The following TTC17 variants were observed in gnomAD, a reference collection of about 807,000 sequenced individuals.
The protein encoded by TTC17 is tetratricopeptide repeat domain 17.
A neutral mutation model predicts 143.8 loss-of-function variants in TTC17; 58 were observed. That is an observed-to-expected ratio of 0.40 (90% CI 0.33 to 0.50). The LOEUF is 0.50. TTC17 is among the 20% of genes least tolerant of loss of function. The pLI is 0.49. For missense variants in TTC17, 1,273 were observed against 1,392.5 expected (o/e 0.91, Z 1.37); for synonymous variants, 501 against 497.8 (o/e 1.01, Z -0.09).
At position 43,465,942 on chromosome 11, in the gene TTC17, A is replaced by G. The variant is rs185929086; in HGVS notation, c.3030+14677A>G. Reference sequence around the variant, plus strand: ...AAAAATAGACAAAGTGGACTATATTAAAGTTTAAAACTTCTGGGCATCAGA... The same window carrying G: ...AAAAATAGACAAAGTGGACTATATTGAAGTTTAAAACTTCTGGGCATCAGA... On this transcript the variant is annotated intron_variant, in intron 21 of 23. Coordinates refer to ENST00000039989, the MANE Select transcript of TTC17 (RefSeq NM_018259.6). Among the ~76,000 whole-genome samples, 21 of 152,352 alleles carry G rather than the reference A, an allele frequency of 1.4e-4. No homozygotes were observed. The East Asian group carries it at 4.0e-3, about 29-fold the overall frequency.
intron 1 of TTC17, among the ~76,000 whole-genome samples, chr11:43,365,990 T>A (rs1057016488): frequency 1.3e-5 from 2 of 152,054 alleles, no homozygotes; most frequent in Non-Finnish European, 2.9e-5. Context: ...TAAGACCTTT[T>A]TTTTTTTTTG....
At chr11:43,441,451 T>TG (rs1033386585) in intron 16 of TTC17, among the ~76,000 whole-genome samples, 3 of 152,196 alleles carry the variant, frequency 2.0e-5, no homozygotes, top group African/African-American at 7.2e-5. Context: ...TGTATGTAGT[T>TG]GTCTGTCTCC....
intron 1 of TTC17, among the ~76,000 whole-genome samples, chr11:43,376,879 C>T (rs1056659232): frequency 1.1e-4 from 16 of 152,100 alleles, no homozygotes; most frequent in African/African-American, 3.6e-4. Context: ...TTAAACACAC[C>T]TAGACTGTAC....
At chr11:43,470,213 C>G (rs1948066448) in intron 21 of TTC17, among the ~76,000 whole-genome samples, 2 of 152,212 alleles carry the variant, frequency 1.3e-5, no homozygotes, top group Non-Finnish European at 2.9e-5. Flanking sequence ...ATTTCACATT[C>G]ATGCCGCTGC....
intron 10 of TTC17, among the ~76,000 whole-genome samples, 178 bp from the exon 11 acceptor site, chr11:43,403,820 C>T (rs1857984671): frequency 6.6e-6 from 1 of 152,166 alleles, no homozygotes; most frequent in Non-Finnish European, 1.5e-5. Context: ...TATGTATTAT[C>T]CATGAAAGAA....
chr11:43,403,876 G>T, intron 10 of TTC17, 122 bp from the exon 11 acceptor site: 1 of 744,184 alleles, frequency 1.3e-6, no homozygotes, highest in South Asian at 2.1e-5. Flanking sequence ...CTTTATTACT[G>T]AGCTACTTTC....
Position 43,493,948 on chromosome 11 carries a change from A to G in TTC17, c.*44A>G. On this transcript the variant is annotated 3_prime_UTR_variant, in exon 24 of 24. Coordinates refer to ENST00000039989, the MANE Select transcript of TTC17 (RefSeq NM_018259.6). ...CTTTCTCTTTACTCATGCTCTAAAA[A>G]AAAAGAATAAGAAAAGAAACCAATC... is the stretch of plus-strand genomic sequence containing the variant. The G allele has an allele frequency of 6.6e-7, 1 of 1,519,460 alleles. No individual in the cohort carries two copies. The highest frequency in any genetic ancestry group is 8.8e-7 in the Non-Finnish European group (1 of 1,134,096). The allele number at this position is 1,519,460 out of a possible 1,614,324, so 94.1% of individuals were successfully genotyped here. A position where few individuals can be genotyped will look rare whatever the true frequency, so the allele number is the denominator to read the frequency against.
chr11:43,448,129 A>T lies in TTC17; in HGVS notation c.2786+7A>T. On this transcript the variant is annotated splice_region_variant and intron_variant, in intron 19 of 23. Coordinates refer to ENST00000039989, the MANE Select transcript of TTC17 (RefSeq NM_018259.6). ...TTTCTTCAAAAAACATTGAGTAAGT[A>T]TGTTAAGCCTCTCCCTCCTTTATGG... 1 of 1,613,842 alleles carries T rather than the reference A, an allele frequency of 6.2e-7. No homozygotes were observed. The highest frequency in any genetic ancestry group is 8.5e-7 in the Non-Finnish European group (1 of 1,179,832).
chr11:43,402,768 C>T (rs978720029), intron 10 of TTC17, among the ~76,000 whole-genome samples: 4 of 152,054 alleles, frequency 2.6e-5, no homozygotes, highest in Non-Finnish European at 5.9e-5. Context: ...AACTGATACT[C>T]AACCTGTATT....
intron 21 of TTC17, among the ~76,000 whole-genome samples, chr11:43,457,007 A>G (rs1237611236): frequency 6.6e-6 from 1 of 152,042 alleles, no homozygotes; most frequent in African/African-American, 2.4e-5. Flanking sequence ...CAGGACTTTC[A>G]TCTTAATACT....
intron 5 of TTC17, 26 bp downstream of exon 5, chr11:43,391,978 C>T: frequency 6.3e-7 from 1 of 1,580,782 alleles, no homozygotes; most frequent in Non-Finnish European, 8.6e-7. Flanking sequence ...CTTAAAGAGC[C>T]AGCGGGCTGA....
chr11:43,375,048 G>T (rs1590318936), intron 1 of TTC17, among the ~76,000 whole-genome samples: 1 of 152,206 alleles, frequency 6.6e-6, no homozygotes, highest in Admixed American at 6.5e-5. Context: ...TGGGCAAATT[G>T]TAAGGGCTGC....
chr11:43,403,340 A>G (rs777711370), intron 10 of TTC17, among the ~76,000 whole-genome samples: 4 of 152,156 alleles, frequency 2.6e-5, no homozygotes, highest in Non-Finnish European at 5.9e-5. Flanking sequence ...CGTCATATTC[A>G]TTCCTTTTCC....
intron 3 of TTC17, among the ~76,000 whole-genome samples, chr11:43,391,205 C>T (rs1857372220): frequency 6.6e-6 from 1 of 152,024 alleles, no homozygotes; most frequent in South Asian, 2.1e-4. Flanking sequence ...TCAGAACTAC[C>T]CTGGGCAACA....
intron 23 of TTC17, among the ~76,000 whole-genome samples, chr11:43,493,236 G>C (rs1590521676): frequency 6.6e-6 from 1 of 152,114 alleles, no homozygotes; most frequent in African/African-American, 2.4e-5. Flanking sequence ...CCCAATCTTT[G>C]TTGGCATCTT....
Position 43,397,880 on chromosome 11 carries a change from C to T in TTC17, c.919-94C>T, listed in dbSNP as rs1857669122. The T allele has an allele frequency of 7.3e-6, 11 of 1,507,126 alleles. No individual in the cohort carries two copies. The South Asian group carries it at 8.8e-5, about 12-fold the overall frequency. The allele number at this position is 1,507,126 out of a possible 1,614,324, so 93.4% of individuals were successfully genotyped here. A position where few individuals can be genotyped will look rare whatever the true frequency, so the allele number is the denominator to read the frequency against. ...AGGATTTGGACAGATGCAACCAGGCCGTGGCTAACATTTTTTTTTCCGTGT... is the reference window on the plus strand; with the variant it reads ...AGGATTTGGACAGATGCAACCAGGCTGTGGCTAACATTTTTTTTTCCGTGT... On this transcript the variant is annotated intron_variant, in intron 7 of 23. Coordinates refer to ENST00000039989, the MANE Select transcript of TTC17 (RefSeq NM_018259.6).
At chr11:43,421,033 T>G (rs1946891119) in intron 16 of TTC17, among the ~76,000 whole-genome samples, 1 of 152,204 alleles carries the variant, frequency 6.6e-6, no homozygotes, top group Non-Finnish European at 1.5e-5. Flanking sequence ...GTCACTATTC[T>G]AGGAATTGGA....
intron 16 of TTC17, 28 bp from the exon 17 acceptor site, chr11:43,443,297 T>C (rs766382562): frequency 5.6e-6 from 9 of 1,610,680 alleles, no homozygotes; most frequent in Non-Finnish European, 7.6e-6. Flanking sequence ...GTGTACCTTT[T>C]ACTAACGTGC....
chr11:43,411,202 A>T (rs1397233025), intron 15 of TTC17, among the ~76,000 whole-genome samples: 2 of 152,186 alleles, frequency 1.3e-5, no homozygotes, highest in Non-Finnish European at 2.9e-5. Context: ...CTGTGAAGTC[A>T]TTCCTTAGCA....
Sources: gnomAD v4.1 joint callset for allele counts (sites outside exome capture counted in the v4.1 genomes callset) on GRCh38, gnomAD v4.1.1 for gene constraint, MANE v1.5 for transcripts, NCBI Gene and HGNC (gene_info 2026-07-23, HGNC 2026-07-21) for gene names.